FAM114A1: variants seen among roughly 807,000 people sequenced by gnomAD.
FAM114A1 encodes the protein family with sequence similarity 114 member A1.
A neutral mutation model predicts 64.3 loss-of-function variants in FAM114A1; 62 were observed. That is an observed-to-expected ratio of 0.96 (90% CI 0.79 to 1.19). The LOEUF (loss-of-function observed/expected upper bound fraction) is 1.19, where lower values mean the gene tolerates loss of function less well. Ranked by LOEUF, FAM114A1 falls within the 50% of genes most tolerant of loss-of-function variation. FAM114A1 has a pLI of 0.00. For missense variants in FAM114A1, 645 were observed against 676.3 expected (o/e 0.95, Z 0.51); for synonymous variants, 254 against 251.1 (o/e 1.01, Z -0.11).
intron 13 of FAM114A1, among the ~76,000 whole-genome samples, chr4:38,939,181 T>C (rs1721374964): frequency 1.3e-5 from 2 of 152,198 alleles, no homozygotes; most frequent in African/African-American, 4.8e-5. Flanking sequence ...TATATATTTA[T>C]ATGTACACAC....
At chr4:38,910,804 G>A (rs938366183) in intron 7 of FAM114A1, among the ~76,000 whole-genome samples, 2 of 152,304 alleles carry the variant, frequency 1.3e-5, no homozygotes, top group East Asian at 1.9e-4. Context: ...CAGGATGCCC[G>A]TGATGGAGAG....
intron 7 of FAM114A1, among the ~76,000 whole-genome samples, chr4:38,909,386 T>C (rs1489651749): frequency 6.6e-6 from 1 of 152,214 alleles, no homozygotes; most frequent in Admixed American, 6.5e-5. Flanking sequence ...TGGTATCTCA[T>C]TGGAATTTTA....
At chr4:38,936,868 G>C (rs533689452) in intron 13 of FAM114A1, among the ~76,000 whole-genome samples, 46 of 152,226 alleles carry the variant, frequency 3.0e-4, no homozygotes, top group African/African-American at 1.1e-3. Context: ...AGTTTTCTTT[G>C]CTTCATTGTG....
intron 3 of FAM114A1, among the ~76,000 whole-genome samples, chr4:38,882,747 G>A (rs1475713035): frequency 8.5e-6 from 1 of 117,642 alleles, no homozygotes; most frequent in African/African-American, 3.2e-5. Flanking sequence ...GCATAAATGT[G>A]TGTGTGGTGT....
chr4:38,902,673 C>T (rs934952180), intron 4 of FAM114A1, among the ~76,000 whole-genome samples: 3 of 152,172 alleles, frequency 2.0e-5, no homozygotes, highest in Non-Finnish European at 4.4e-5. Flanking sequence ...GATATTCCAT[C>T]TTTAGAACCA....
At position 38,905,842 on chromosome 4, in the gene FAM114A1, C is replaced by T. The variant is rs1579346862; in HGVS notation, c.638C>T (p.Thr213Ile). 6.2e-7 allele frequency: 1 copy of T among 1,613,360 alleles called. No homozygotes were observed. Among genetic ancestry groups the T allele is most frequent in the Middle Eastern group, 1.7e-4 (1 of 6,054 alleles). Reference sequence around the variant, plus strand: ...TCTCGGGGTATGCTGTCTGCCATCACCAATGTGGTTCAAAACACAGTGAGT... The same window carrying T: ...TCTCGGGGTATGCTGTCTGCCATCATCAATGTGGTTCAAAACACAGTGAGT... ...SASRGMLSAI[T>I]NVVQNTGKSV... is the part of the protein sequence containing the mutation. The change falls in exon 6 of 15, where the codon ACC becomes ATC. Residue 213 changes from threonine to isoleucine, a missense_variant. Coordinates refer to ENST00000358869, the MANE Select transcript of FAM114A1 (RefSeq NM_138389.4).
chr4:38,934,116 T>C (rs1393702478), intron 12 of FAM114A1, among the ~76,000 whole-genome samples: 1 of 152,154 alleles, frequency 6.6e-6, no homozygotes, highest in Non-Finnish European at 1.5e-5. Flanking sequence ...GTCAGGGAAG[T>C]TGAAAATGCT....
chr4:38,916,591 A>C (rs1033577041), intron 8 of FAM114A1, among the ~76,000 whole-genome samples: 1 of 152,184 alleles, frequency 6.6e-6, no homozygotes, highest in Non-Finnish European at 1.5e-5. Context: ...GTTCTTACTC[A>C]TAAGTGAAGT....
chr4:38,909,310 A>C (rs980970457), intron 7 of FAM114A1, among the ~76,000 whole-genome samples: 3 of 152,204 alleles, frequency 2.0e-5, no homozygotes, highest in African/African-American at 7.2e-5. Context: ...CCCAGCTCTT[A>C]GTAAGCATTC....
intron 2 of FAM114A1, among the ~76,000 whole-genome samples, chr4:38,871,807 C>T (rs1714103087): frequency 6.6e-6 from 1 of 152,192 alleles, no homozygotes; most frequent in South Asian, 2.1e-4. Context: ...AGCAAACAGG[C>T]TTAGTTAACC....
At chr4:38,931,226 T>G (rs1381691118) in intron 10 of FAM114A1, among the ~76,000 whole-genome samples, 1 of 152,242 alleles carries the variant, frequency 6.6e-6, no homozygotes, top group African/African-American at 2.4e-5. Flanking sequence ...CTTGCATTGT[T>G]CTTTCCATAC....
Position 38,870,514 on chromosome 4 carries a change from G to A in FAM114A1, c.-9+1968G>A, listed in dbSNP as rs138895296. ...GCTTAAATACCTTGCATAGTTCTGG[G>A]AGCATTTTAGGTGATGAATGAATTT... On this transcript the variant is annotated intron_variant, in intron 2 of 14. Transcript: ENST00000358869. 1.9e-3 allele frequency among the ~76,000 whole-genome samples: 295 copies of A among 152,268 alleles called. 2 individuals carry two copies. Among genetic ancestry groups the A allele is most frequent in the African/African-American group, 6.8e-3 (283 of 41,564 alleles).
chr4:38,910,561 G>C (rs1718441100), intron 7 of FAM114A1, among the ~76,000 whole-genome samples: 1 of 152,302 alleles, frequency 6.6e-6, no homozygotes, highest in African/African-American at 2.4e-5. Context: ...TGGGGAAAAA[G>C]ACAAAGTAGA....
chr4:38,894,241 G>A (rs1176351042), intron 4 of FAM114A1, among the ~76,000 whole-genome samples: 1 of 149,284 alleles, frequency 6.7e-6, no homozygotes, highest in African/African-American at 2.5e-5. Flanking sequence ...CGACGTCATT[G>A]TCTTAATCTG....
At chr4:38,925,662 A>C (rs752183315) in intron 9 of FAM114A1, among the ~76,000 whole-genome samples, 1 of 152,228 alleles carries the variant, frequency 6.6e-6, no homozygotes, top group Non-Finnish European at 1.5e-5. Context: ...TTGTTTTTCC[A>C]GCAGAGTGTA....
intron 13 of FAM114A1, among the ~76,000 whole-genome samples, 155 bp from the exon 14 acceptor site, chr4:38,940,813 C>T (rs1435116230): frequency 6.6e-6 from 1 of 152,188 alleles, no homozygotes; most frequent in Non-Finnish European, 1.5e-5. Flanking sequence ...AAAGGTGCAG[C>T]AGCGGGTATG....
chr4:38,923,974 C>T (rs1292679009), intron 9 of FAM114A1, among the ~76,000 whole-genome samples: 3 of 152,158 alleles, frequency 2.0e-5, no homozygotes, highest in African/African-American at 2.4e-5. Flanking sequence ...TCATAACCAC[C>T]GACCCACAGT....
At chr4:38,874,683 G>A (rs1479437590) in intron 2 of FAM114A1, among the ~76,000 whole-genome samples, 2 of 152,102 alleles carry the variant, frequency 1.3e-5, no homozygotes, top group African/African-American at 4.8e-5. Flanking sequence ...GCTCCCACTT[G>A]TCAATTTTTG....
chr4:38,883,552 C>T (rs925607473), intron 3 of FAM114A1, among the ~76,000 whole-genome samples: 1 of 152,114 alleles, frequency 6.6e-6, no homozygotes, highest in African/African-American at 2.4e-5. Flanking sequence ...GGTCAAGAAT[C>T]CCAATGTTAA....
Sources: allele counts gnomAD v4.1 joint callset (sites outside exome capture counted in the v4.1 genomes callset), GRCh38; gene constraint gnomAD v4.1.1; transcripts MANE v1.5; gene names NCBI Gene and HGNC (gene_info 2026-07-23, HGNC 2026-07-21).